CNTNAP2: variants seen among roughly 807,000 people sequenced by gnomAD.
CNTNAP2 encodes contactin-associated protein-like 2.
In CNTNAP2, 98 loss-of-function variants were observed where a neutral mutation model predicts 155.2. The observed-to-expected ratio is 0.63, with a 90% confidence interval of 0.54 to 0.75. The LOEUF (loss-of-function observed/expected upper bound fraction) is 0.75. Among genes scored for constraint, CNTNAP2 ranks in the 30% least tolerant of loss-of-function variants. The probability of loss-of-function intolerance (pLI) is 0.00; values close to 1 mark genes in which losing one functional copy is unlikely to be tolerated. For missense variants in CNTNAP2, 1,727 were observed against 1,688.1 expected, an observed-to-expected ratio of 1.02 and a Z score of -0.40; for synonymous variants, 651 against 631.2, an observed-to-expected ratio of 1.03 and a Z score of -0.47.
chr7:146,650,373 A>G (rs1020230216), intron 1 of CNTNAP2, among the ~76,000 whole-genome samples: 2 of 152,136 alleles, frequency 1.3e-5, no homozygotes, highest in African/African-American at 4.8e-5. Context: ...CATAAAAAAT[A>G]TGAGTTCATG....
intron 2 of CNTNAP2, among the ~76,000 whole-genome samples, chr7:146,790,578 T>TC (rs1802652083): frequency 1.3e-5 from 2 of 151,148 alleles, no homozygotes; most frequent in Middle Eastern, 3.4e-3. Context: ...ATTTTTTTTT[T>TC]TTTTTTTGTA....
chr7:148,386,194 G>A (rs1799189864), intron 22 of CNTNAP2, among the ~76,000 whole-genome samples: 1 of 152,098 alleles, frequency 6.6e-6, no homozygotes, highest in Admixed American at 6.5e-5. Context: ...GTGTCCAGCA[G>A]ATGAAGTATT....
intron 11 of CNTNAP2, among the ~76,000 whole-genome samples, chr7:147,487,064 G>T (rs534973341): frequency 5.5e-4 from 84 of 152,248 alleles, no homozygotes; most frequent in Non-Finnish European, 1.0e-3. Context: ...TCTCAGAGTA[G>T]AGCCCTGTGT....
intron 10 of CNTNAP2, among the ~76,000 whole-genome samples, chr7:147,419,194 G>A (rs1374726953): frequency 1.3e-5 from 2 of 152,132 alleles, no homozygotes; most frequent in Non-Finnish European, 2.9e-5. Flanking sequence ...TTCCCAGGGA[G>A]GAGAATCCAG....
chr7:146,192,752 C>A (rs1266461152), intron 1 of CNTNAP2, among the ~76,000 whole-genome samples: 1 of 152,150 alleles, frequency 6.6e-6, no homozygotes, highest in African/African-American at 2.4e-5. Context: ...ACCAATCATG[C>A]CTTCCCAACA....
intron 1 of CNTNAP2, among the ~76,000 whole-genome samples, chr7:146,246,978 A>G (rs1199195134): frequency 6.6e-6 from 1 of 152,060 alleles, no homozygotes; most frequent in Non-Finnish European, 1.5e-5. Flanking sequence ...TTTTTCTATT[A>G]TTGTACACGT....
chr7:147,486,077 T>C lies in CNTNAP2; in HGVS notation c.1777+36T>C, dbSNP rs765601166. The C allele has an allele frequency of 3.9e-6, 6 of 1,550,804 alleles. No homozygotes were observed. The Admixed American group carries it at 6.7e-5, about 17-fold the overall frequency. ...ATTTATCTCACTTTAATCTTGTAAT[T>C]GCATGAGAATCTCAAGTCTTGAGCT... On this transcript the variant is annotated intron_variant, in intron 11 of 23. Transcript: ENST00000361727.
chr7:146,352,751 T>G (rs1319207573), intron 1 of CNTNAP2, among the ~76,000 whole-genome samples: 4 of 83,612 alleles, frequency 4.8e-5, no homozygotes, highest in African/African-American at 1.5e-4. Flanking sequence ...CATAATTCTG[T>G]TTTTTTTTTT....
At chr7:147,064,618 TCA>T (rs1363676583) in intron 4 of CNTNAP2, among the ~76,000 whole-genome samples, 3 of 152,160 alleles carry the variant, frequency 2.0e-5, no homozygotes, top group Non-Finnish European at 4.4e-5. Flanking sequence ...CCATCTCCAG[TCA>T]CAGTTCTTAT....
intron 1 of CNTNAP2, among the ~76,000 whole-genome samples, chr7:146,305,749 G>T (rs934461022): frequency 7.2e-5 from 11 of 151,970 alleles, no homozygotes; most frequent in Non-Finnish European, 1.5e-4. Context: ...TTAAAGCAGC[G>T]TGTAGGGGGA....
intron 15 of CNTNAP2, among the ~76,000 whole-genome samples, chr7:148,053,996 A>G (rs1487877774): frequency 2.8e-5 from 4 of 145,098 alleles, no homozygotes; most frequent in African/African-American, 1.0e-4. Context: ...TTTTCAAGAC[A>G]GAGTCTAGCT....
intron 13 of CNTNAP2, among the ~76,000 whole-genome samples, chr7:147,735,809 T>C (rs181486255): frequency 0.16 from 24,519 of 151,702 alleles, 3,588 homozygotes; most frequent in African/African-American, 0.4. Flanking sequence ...TCTTTGTTGG[T>C]TTAAAGTTTG....
intron 2 of CNTNAP2, among the ~76,000 whole-genome samples, chr7:146,838,727 T>G (rs1454678420): frequency 6.6e-6 from 1 of 152,238 alleles, no homozygotes; most frequent in Non-Finnish European, 1.5e-5. Flanking sequence ...CTGTGATGAT[T>G]TATGAAATGA....
intron 17 of CNTNAP2, 24 bp from the exon 18 acceptor site, chr7:148,172,218 C>A (rs1418576835): frequency 6.2e-6 from 10 of 1,609,798 alleles, no homozygotes; most frequent in Non-Finnish European, 8.5e-6. Context: ...TCCCTCTGAA[C>A]TCTGTGCCTT....
chr7:147,326,204 G>A (rs545882371), intron 9 of CNTNAP2, among the ~76,000 whole-genome samples: 17 of 152,288 alleles, frequency 1.1e-4, no homozygotes, highest in Admixed American at 3.3e-4. Context: ...GATTACAGGC[G>A]TTAGCCACTG....
chr7:147,076,495 C>T (rs1226774681), intron 4 of CNTNAP2, among the ~76,000 whole-genome samples: 1 of 152,012 alleles, frequency 6.6e-6, no homozygotes. Context: ...TTTTTTCTTG[C>T]AAATTTGTTT....
chr7:147,885,240 A>C lies in CNTNAP2; in HGVS notation c.2099-18325A>C, dbSNP rs1305087052. On this transcript the variant is annotated intron_variant, in intron 13 of 23. Transcript: ENST00000361727. Reference sequence around the variant, plus strand: ...AGAAGAGGCCAGGTCAGAAAGTCTCAATATTAAGGCTTATTTGTCTCCCTT... The same window carrying C: ...AGAAGAGGCCAGGTCAGAAAGTCTCCATATTAAGGCTTATTTGTCTCCCTT... Among the ~76,000 whole-genome samples, 3 of 152,186 alleles carry C rather than the reference A, an allele frequency of 2.0e-5. No individual in the cohort carries two copies. The East Asian group carries it at 5.8e-4, about 29-fold the overall frequency.
chr7:146,325,337 A>G (rs1801078570), intron 1 of CNTNAP2, among the ~76,000 whole-genome samples: 1 of 152,218 alleles, frequency 6.6e-6, no homozygotes, highest in African/African-American at 2.4e-5. Flanking sequence ...TACAATATTA[A>G]GAAGTAGTAA....
rs73740883 is a variant in CNTNAP2, at chr7:146,849,773, A to G, written c.402+9869A>G. ...TATCAGTATTATTACGAATGCTATC[A>G]TTAATGTTTCTCAAATACTATATTC... On this transcript the variant is annotated intron_variant, in intron 3 of 23. Coordinates refer to ENST00000361727, the MANE Select transcript of CNTNAP2 (RefSeq NM_014141.6). Among the ~76,000 whole-genome samples the G allele has an allele frequency of 7.3e-3, 1,105 of 152,276 alleles. 14 individuals carry two copies. The highest frequency in any genetic ancestry group is 0.025 in the African/African-American group (1,051 of 41,564).
Sources: allele counts gnomAD v4.1 joint callset (sites outside exome capture counted in the v4.1 genomes callset), GRCh38; gene constraint gnomAD v4.1.1; transcripts MANE v1.5; gene names NCBI Gene and HGNC (gene_info 2026-07-23, HGNC 2026-07-21).